The following MGAM2 variants were observed in gnomAD, a reference collection of about 807,000 sequenced individuals.
MGAM2 encodes maltase-glucoamylase 2 (putative), also known as probable maltase-glucoamylase 2.
In MGAM2, 98 loss-of-function variants were observed where a neutral mutation model predicts 96.1. The ratio of observed to expected loss-of-function variants is 1.02; its 90% CI spans 0.87 to 1.21. MGAM2 has a LOEUF of 1.21. Among genes scored for constraint, MGAM2 ranks in the 50% most tolerant of loss-of-function variants. The pLI is 0.00. For synonymous variants in MGAM2, 749 were observed against 414.8 expected, an observed-to-expected ratio of 1.81 and a Z score of -9.79; for missense variants, 2,055 against 1,182.4, an observed-to-expected ratio of 1.74 and a Z score of -10.82.
intron 46 of MGAM2, among the ~76,000 whole-genome samples, chr7:142,216,184 A>G (rs1045464805): frequency 3.9e-5 from 6 of 152,114 alleles, no homozygotes; most frequent in African/African-American, 1.4e-4. Context: ...TACTAATTAA[A>G]TTTGTGTATT....
intron 1 of MGAM2, 76 bp from the exon 2 acceptor site, chr7:142,116,798 A>G: frequency 1.4e-6 from 1 of 692,026 alleles, no homozygotes; most frequent in South Asian, 1.5e-5. Flanking sequence ...CCACATTTGG[A>G]TACAATGATT....
intron 46 of MGAM2, among the ~76,000 whole-genome samples, chr7:142,209,668 C>G (rs544143550): frequency 6.6e-6 from 1 of 152,258 alleles, no homozygotes; most frequent in East Asian, 1.9e-4. Context: ...TTATACATCA[C>G]CAGGCTAACT....
chr7:142,183,707 C>A (rs1796608360), intron 33 of MGAM2, among the ~76,000 whole-genome samples: 1 of 152,154 alleles, frequency 6.6e-6, no homozygotes, highest in Non-Finnish European at 1.5e-5. Context: ...CATGCGTTCA[C>A]CTTTGACCTA....
intron 32 of MGAM2, among the ~76,000 whole-genome samples, chr7:142,182,894 G>A (rs754495613): frequency 2.6e-5 from 4 of 152,152 alleles, no homozygotes; most frequent in African/African-American, 4.8e-5. Flanking sequence ...CTTCCCAGCC[G>A]CATCTAGCTG....
chr7:142,132,197 A>G, intron 6 of MGAM2, 112 bp downstream of exon 6: 1 of 521,778 alleles, frequency 1.9e-6, no homozygotes. Flanking sequence ...AAATGTTTGA[A>G]TATTAGAAAA....
Position 142,222,001 on chromosome 7 carries a change from C to T in MGAM2, c.7490C>T (p.Thr2497Ile), listed in dbSNP as rs1360123929. Residue 2497 changes from threonine to isoleucine, a missense_variant, in exon 48 of 48, where the codon ACC becomes ATC. By Grantham distance (89) the Thr-to-Ile change is moderately conservative (BLOSUM62 -1). Transcript: ENST00000477922. ...NTTTPDSTVH[T>I]SATAPTYIAN... ...ACCACTCCTGATAGTACAGTACATA[C>T]CTCTGCTACTGCACCTACTTATATT... The T allele has an allele frequency of 1.0e-5, 4 of 398,306 alleles. No homozygotes were observed. The highest frequency in any genetic ancestry group is 8.2e-5 in the African/African-American group (4 of 48,602). 24.7% of individuals were successfully genotyped at this position (398,306 alleles called of 1,614,324 possible).
chr7:142,114,778 C>G (rs777367130), intron 1 of MGAM2, among the ~76,000 whole-genome samples: 1 of 152,030 alleles, frequency 6.6e-6, no homozygotes, highest in Non-Finnish European at 1.5e-5. Context: ...TGTGAATAAC[C>G]TTTGTGGAAA....
chr7:142,154,094 G>T lies in MGAM2; in HGVS notation c.1711G>T (p.Ala571Ser), dbSNP rs1483224327. The change falls in exon 16 of 48, where the codon GCT (alanine) becomes TCT (serine). Residue 571 changes from alanine (A) to serine (S), a missense_variant. Physicochemically the swap from Ala to Ser is moderately conservative, Grantham distance 99. Coordinates refer to ENST00000477922, the MANE Select transcript of MGAM2 (RefSeq NM_001293626.2). ...RSTFAGSGKF[A>S]AHWLGDNAAT... ...TACTTTTGCTGGATCTGGCAAATTT[G>T]CTGCTCATTGGCTGGGGGACAATGC... is the stretch of plus-strand genomic sequence containing the variant. 2.9e-6 allele frequency: 2 copies of T among 695,632 alleles called. No individual in the cohort carries two copies. The highest frequency in any genetic ancestry group is 1.7e-5 in the African/African-American group (1 of 57,306). The allele number at this position is 695,632 out of a possible 1,614,324, so 43.1% of individuals were successfully genotyped here. A position where few individuals can be genotyped will look rare whatever the true frequency, so the allele number is the denominator to read the frequency against.
In MGAM2 at chr7:142,130,847, T is replaced by G. The variant is rs976047432; in HGVS notation, c.187-101T>G. On this transcript the variant is annotated intron_variant, in intron 3 of 47. Coordinates refer to ENST00000477922, the MANE Select transcript of MGAM2 (RefSeq NM_001293626.2). ...AATTAATGAATGTAATTATAACCTA[T>G]CTTAAATTCTCCTTGGAATAAAATG... The G allele has an allele frequency of 1.3e-5, 8 of 622,188 alleles. No homozygotes were observed. In the Admixed American group the frequency reaches 2.0e-4, roughly 15 times the overall value. The allele number at this position is 622,188 out of a possible 1,614,324, so 38.5% of individuals were successfully genotyped here.
In MGAM2 at chr7:142,217,938, G is replaced by T. The variant is rs61298535; in HGVS notation, c.5188-423G>T. ...GTCTCTATTAAAAATACAAAAATTA[G>T]CCGGGTATGGTGGCACACACCTATA... On this transcript the variant is annotated intron_variant, in intron 46 of 47. Transcript: ENST00000477922. Among the ~76,000 whole-genome samples the T allele has an allele frequency of 9.4e-3, 1,422 of 152,076 alleles. 17 individuals are homozygous for T. The highest frequency in any genetic ancestry group is 0.033 in the African/African-American group (1,375 of 41,450).
At chr7:142,171,122 T>C (rs1796170901) in intron 27 of MGAM2, 150 bp from the exon 28 acceptor site, 1 of 682,068 alleles carries the variant, frequency 1.5e-6, no homozygotes, top group Non-Finnish European at 2.7e-6. Flanking sequence ...AGGGCCATTG[T>C]TATGACCTGG....
chr7:142,191,684 G>A (rs1282136797), intron 37 of MGAM2, among the ~76,000 whole-genome samples: 1 of 150,828 alleles, frequency 6.6e-6, no homozygotes, highest in African/African-American at 2.4e-5. Context: ...TTTCAAGATT[G>A]TTTTAGCTAC....
In MGAM2 at chr7:142,118,609, A is replaced by G. The variant is rs143579497; in HGVS notation, c.106+1630A>G. Among the ~76,000 whole-genome samples, 415 of 152,312 alleles carry G rather than the reference A, an allele frequency of 2.7e-3. 5 individuals are homozygous for G. Among genetic ancestry groups the G allele is most frequent in the Non-Finnish European group, 4.2e-3 (283 of 68,012 alleles). ...AGATTCCACAAAGTTGATAAAGCCT[A>G]AAGTAAGAATAGCCAATGTTGAGTG... On this transcript the variant is annotated intron_variant, in intron 2 of 47. Coordinates refer to ENST00000477922, the MANE Select transcript of MGAM2 (RefSeq NM_001293626.2).
intron 3 of MGAM2, among the ~76,000 whole-genome samples, chr7:142,127,626 C>G (rs149480708): frequency 1.4e-4 from 21 of 152,148 alleles, no homozygotes; most frequent in African/African-American, 5.1e-4. Flanking sequence ...TCATGGGGCA[C>G]TTTCCCCCAT....
rs546889960 is a variant in MGAM2, at chr7:142,148,648, A to G, written c.1634+1075A>G. Among the ~76,000 whole-genome samples the G allele has an allele frequency of 6.6e-6, 1 of 152,330 alleles. No individual in the cohort carries two copies. Among genetic ancestry groups the G allele is most frequent in the East Asian group, 1.9e-4 (1 of 5,184 alleles). ...ATCATTATACCTAAGAGAGCAAGAA[A>G]ATTTGGGGCCAGGCTTAAGATTTTA... On this transcript the variant is annotated intron_variant, in intron 15 of 47. Transcript: ENST00000477922. This position sits in a 1 kb window ranked among gnomAD's most constrained non-coding sequence, Gnocchi z 4.2.
chr7:142,114,207 A>AAAGAAAG (rs1817300110), intron 1 of MGAM2, among the ~76,000 whole-genome samples: 1 of 95,124 alleles, frequency 1.1e-5, no homozygotes, highest in Non-Finnish European at 2.0e-5. Flanking sequence ...AGAAAGAAAG[A>AAAGAAAG]AAGAAAGAGA....
At chr7:142,206,795 TGTAA>T (rs1347315807) in intron 45 of MGAM2, among the ~76,000 whole-genome samples, 15 of 152,200 alleles carry the variant, frequency 9.9e-5, no homozygotes, top group South Asian at 2.1e-4. Flanking sequence ...TAAGATACAG[TGTAA>T]GTGTCATTTA....
At position 142,154,197 on chromosome 7, in the gene MGAM2, T is replaced by G. The variant is rs1236529703; in HGVS notation, c.1806+8T>G. 1.7e-6 allele frequency: 1 copy of G among 587,942 alleles called. No individual in the cohort carries two copies. Among genetic ancestry groups the G allele is most frequent in the Non-Finnish European group, 3.2e-6 (1 of 316,044 alleles). 36.4% of individuals were successfully genotyped at this position (587,942 alleles called of 1,614,324 possible). A position where few individuals can be genotyped will look rare whatever the true frequency, so the allele number is the denominator to read the frequency against. The stretch of plus-strand genomic sequence containing the variant: ...CTGTTTGGCATCCCCATGGTGAGCC[T>G]TATTTCCAACCAGGGAACTTTAACC... On this transcript the variant is annotated splice_region_variant and intron_variant, in intron 16 of 47. Transcript: ENST00000477922.
At chr7:142,115,822 C>A (rs942601516) in intron 1 of MGAM2, among the ~76,000 whole-genome samples, 1 of 152,002 alleles carries the variant, frequency 6.6e-6, no homozygotes, top group African/African-American at 2.4e-5. Context: ...TCCAGCTGGG[C>A]AACAAGAGTG....
Sources: gnomAD v4.1 joint callset for allele counts (sites outside exome capture counted in the v4.1 genomes callset) on GRCh38, gnomAD v4.1.1 for gene constraint, Gnocchi (gnomAD v3.1) non-coding constraint, MANE v1.5 for transcripts, NCBI Gene and HGNC (gene_info 2026-07-23, HGNC 2026-07-21) for gene names.